SLIT3: variants seen among roughly 807,000 people sequenced by gnomAD.
The protein encoded by SLIT3 is slit guidance ligand 3.
A neutral mutation model predicts 184.0 loss-of-function variants in SLIT3; 68 were observed. The observed-to-expected ratio is 0.37, with a 90% confidence interval of 0.30 to 0.45. SLIT3 has a LOEUF of 0.45. Ranked by LOEUF, SLIT3 falls within the 20% of genes least tolerant of loss-of-function variation. SLIT3 has a pLI of 1.00. For synonymous variants in SLIT3, 831 were observed against 828.6 expected, an observed-to-expected ratio of 1.00 and a Z score of -0.05; for missense variants, 1,707 against 2,026.0, an observed-to-expected ratio of 0.84 and a Z score of 3.02.
At chr5:168,667,330 T>C (rs546920178) in intron 35 of SLIT3, among the ~76,000 whole-genome samples, 1 of 152,346 alleles carries the variant, frequency 6.6e-6, no homozygotes, top group South Asian at 2.1e-4. Flanking sequence ...AAAGGGAAGA[T>C]GTTCATACAA....
intron 4 of SLIT3, among the ~76,000 whole-genome samples, chr5:168,887,482 C>G (rs1294031629): frequency 6.6e-6 from 1 of 152,130 alleles, no homozygotes; most frequent in Non-Finnish European, 1.5e-5. Context: ...CTCAGTTTCC[C>G]CATCTTTACA....
intron 20 of SLIT3, among the ~76,000 whole-genome samples, chr5:168,739,881 T>C (rs557899707): frequency 1.3e-5 from 2 of 152,314 alleles, no homozygotes; most frequent in South Asian, 4.1e-4. Context: ...TTAAAAAGAT[T>C]TGCAAAAATA....
At chr5:169,232,506 C>T (rs1765041135) in intron 3 of SLIT3, among the ~76,000 whole-genome samples, 1 of 152,142 alleles carries the variant, frequency 6.6e-6, no homozygotes, top group South Asian at 2.1e-4. Flanking sequence ...ATTACAGGCA[C>T]AAACCAGCAC....
rs797018616 is a variant in SLIT3 at position 169,295,277 on chromosome 5, A to ATAATAT, written c.197+5235_197+5236insATATTA. Among the ~76,000 whole-genome samples the ATAATAT allele has an allele frequency of 1.2e-3, 188 of 152,388 alleles. 8 individuals are homozygous for ATAATAT. In the South Asian group the frequency reaches 0.037, roughly 30 times the overall value. On this transcript the variant is annotated intron_variant, in intron 1 of 35. Coordinates refer to ENST00000519560, the MANE Select transcript of SLIT3 (RefSeq NM_003062.4). ...GGTAACACATGACTGTACTGTGTTA[A>ATAATAT]GCACTTTCCTGTATATTATTTTGTT...
chr5:169,282,256 C>T (rs1389327520), intron 1 of SLIT3, among the ~76,000 whole-genome samples: 1 of 152,188 alleles, frequency 6.6e-6, no homozygotes, highest in Non-Finnish European at 1.5e-5. Context: ...TAGCAACTGT[C>T]ACCTCAATAT....
chr5:169,134,743 G>A (rs1581443980), intron 4 of SLIT3, among the ~76,000 whole-genome samples: 2 of 152,174 alleles, frequency 1.3e-5, no homozygotes, highest in South Asian at 4.1e-4. Context: ...AGAACTTAAA[G>A]TATAATACTA....
chr5:169,102,147 A>T (rs1043579164), intron 4 of SLIT3, among the ~76,000 whole-genome samples: 1 of 152,192 alleles, frequency 6.6e-6, no homozygotes, highest in Non-Finnish European at 1.5e-5. Flanking sequence ...GTCCCCAGAA[A>T]GTTATGCCAT....
chr5:168,896,680 C>T (rs1377560693), intron 4 of SLIT3, among the ~76,000 whole-genome samples: 1 of 152,330 alleles, frequency 6.6e-6, no homozygotes, highest in East Asian at 1.9e-4. Context: ...CCTCCCAGCC[C>T]CTACGAGGCT....
intron 12 of SLIT3, among the ~76,000 whole-genome samples, chr5:168,785,480 G>C (rs541847102): frequency 3.3e-5 from 5 of 152,144 alleles, no homozygotes; most frequent in Non-Finnish European, 7.3e-5. Context: ...CCTCTGCCCC[G>C]ACCCCTCTTC....
Position 168,669,774 on chromosome 5 carries a change from T to C in SLIT3, c.4336+9A>G, listed in dbSNP as rs376627025. The C allele has an allele frequency of 9.6e-5, 155 of 1,612,212 alleles. No homozygotes were observed. Among genetic ancestry groups the C allele is most frequent in the Middle Eastern group, 3.9e-4 (2 of 5,076 alleles). ...CACTTCCTCCCTCCCACAGGCACAGTAGACCCACCTTGTTGGCAGTGCTCG... is the reference window on the plus strand; with the variant it reads ...CACTTCCTCCCTCCCACAGGCACAGCAGACCCACCTTGTTGGCAGTGCTCG... On this transcript the variant is annotated intron_variant, in intron 35 of 35. Coordinates refer to ENST00000519560, the MANE Select transcript of SLIT3 (RefSeq NM_003062.4).
chr5:169,249,087 A>G (rs1430355696), intron 2 of SLIT3, among the ~76,000 whole-genome samples: 1 of 152,212 alleles, frequency 6.6e-6, no homozygotes. Flanking sequence ...ATCTTTTTAA[A>G]AAAGATAGTT....
chr5:169,078,108 G>C (rs1287926418), intron 4 of SLIT3, among the ~76,000 whole-genome samples: 1 of 151,982 alleles, frequency 6.6e-6, no homozygotes, highest in African/African-American at 2.4e-5. Flanking sequence ...TCACCCACAG[G>C]GATCACATGC....
intron 7 of SLIT3, among the ~76,000 whole-genome samples, chr5:168,817,810 T>C (rs1757386319): frequency 1.3e-5 from 2 of 152,152 alleles, no homozygotes; most frequent in Non-Finnish European, 2.9e-5. Context: ...AAAAGGGCTA[T>C]TTATTTGTAA....
rs551756296 is a variant in SLIT3 at position 168,673,680 on chromosome 5, G to A, written c.3687-349C>T. Among the ~76,000 whole-genome samples the A allele has an allele frequency of 5.2e-4, 79 of 152,282 alleles. 1 individual carries two copies. The highest frequency in any genetic ancestry group is 1.7e-3 in the African/African-American group (70 of 41,550). On this transcript the variant is annotated intron_variant, in intron 32 of 35. Coordinates refer to ENST00000519560, the MANE Select transcript of SLIT3 (RefSeq NM_003062.4). ...AGATATTCTCTTATATAAGCACAGT[G>A]CAGTTGTCAACTTTGGTGAATTTAA...
At chr5:168,986,962 C>A (rs532685539) in intron 4 of SLIT3, among the ~76,000 whole-genome samples, 8 of 152,310 alleles carry the variant, frequency 5.3e-5, no homozygotes, top group African/African-American at 1.9e-4. Context: ...GCAGGAGAAT[C>A]GCTTGAACCC....
At chr5:168,811,263 G>A (rs1323656344) in intron 8 of SLIT3, among the ~76,000 whole-genome samples, 3 of 152,130 alleles carry the variant, frequency 2.0e-5, no homozygotes, top group East Asian at 1.9e-4. Context: ...TGTACTATGT[G>A]CCAGACACTG....
chr5:168,928,778 C>T (rs919862982), intron 4 of SLIT3, among the ~76,000 whole-genome samples: 2 of 152,168 alleles, frequency 1.3e-5, no homozygotes, highest in African/African-American at 4.8e-5. Context: ...AGCCAAGGCA[C>T]TTTCACACCT....
At chr5:169,127,266 T>G (rs957277576) in intron 4 of SLIT3, among the ~76,000 whole-genome samples, 3 of 152,252 alleles carry the variant, frequency 2.0e-5, no homozygotes, top group Non-Finnish European at 4.4e-5. Flanking sequence ...AAATAGGCAC[T>G]GCCCTTAAAA....
chr5:169,202,012 G>A (rs577586334), intron 3 of SLIT3, among the ~76,000 whole-genome samples: 2 of 151,778 alleles, frequency 1.3e-5, no homozygotes, highest in East Asian at 3.9e-4. Context: ...CAGGAGGATT[G>A]CTTGAGTCCA....
Sources: gnomAD v4.1 joint callset for allele counts (sites outside exome capture counted in the v4.1 genomes callset) on GRCh38, gnomAD v4.1.1 for gene constraint, MANE v1.5 for transcripts, NCBI Gene and HGNC (gene_info 2026-07-23, HGNC 2026-07-21) for gene names.